SASH1: variants seen among roughly 807,000 people sequenced by gnomAD.
The protein encoded by SASH1 is SAM and SH3 domain containing 1, also known as SAM and SH3 domain-containing protein 1.
A neutral mutation model predicts 125.2 loss-of-function variants in SASH1; 44 were observed. That is an observed-to-expected ratio of 0.35 (90% CI 0.28 to 0.45). The LOEUF is 0.45. Among genes scored for constraint, SASH1 ranks in the 20% least tolerant of loss-of-function variants. The pLI, the probability that SASH1 is intolerant of heterozygous loss-of-function variation, is 1.00. For synonymous variants in SASH1, 639 were observed against 649.1 expected (o/e 0.98, Z 0.24); for missense variants, 1,426 against 1,614.5 (o/e 0.88, Z 2.00).
At chr6:148,271,372 T>TCA (rs1177159265), upstream of SASH1, among the ~76,000 whole-genome samples, 2 of 152,342 alleles carry the variant, frequency 1.3e-5, no homozygotes, top group Middle Eastern at 3.4e-3. Context: ...TATGTCACAC[T>TCA]CACAATATTA....
At chr6:148,411,424 A>G (rs1009578586) in intron 2 of SASH1, among the ~76,000 whole-genome samples, 1 of 152,204 alleles carries the variant, frequency 6.6e-6, no homozygotes, top group Non-Finnish European at 1.5e-5. Context: ...TCCAGTCAAC[A>G]TATATTGAAT....
chr6:148,235,663 C>A, the SASH1 span, among the ~76,000 whole-genome samples: 42 of 152,290 alleles, frequency 2.8e-4, no homozygotes, highest in African/African-American at 9.9e-4. Flanking sequence ...TTTCAGCCCA[C>A]TTACTCACAG....
the SASH1 span, chr6:148,237,667 C>T: frequency 6.6e-6 from 1 of 152,148 alleles, no homozygotes; most frequent in Non-Finnish European, 1.5e-5. Context: ...GTACATCTCC[C>T]TCATGGAGCT....
At chr6:148,282,406 G>T (rs1199168585) in intron 1 of SASH1, among the ~76,000 whole-genome samples, 1 of 151,732 alleles carries the variant, frequency 6.6e-6, no homozygotes, top group Non-Finnish European at 1.5e-5. Context: ...TTTTGAGATG[G>T]AGTCTCGCTC....
intron 2 of SASH1, among the ~76,000 whole-genome samples, chr6:148,439,507 G>A (rs562659741): frequency 5.9e-5 from 9 of 152,150 alleles, no homozygotes; most frequent in Non-Finnish European, 1.3e-4. Context: ...GGCTGGGCGC[G>A]GTGGCTCATG....
chr6:148,207,850 A>T, the SASH1 span, among the ~76,000 whole-genome samples: 2 of 152,242 alleles, frequency 1.3e-5, no homozygotes, highest in East Asian at 1.9e-4. Context: ...AAGCTCAGAA[A>T]CTGTGCTTGA....
At chr6:148,312,833 G>GAGGAGGAGA (rs771332277) in intron 1 of SASH1, among the ~76,000 whole-genome samples, 30 of 152,178 alleles carry the variant, frequency 2.0e-4, no homozygotes, top group African/African-American at 7.2e-4. Flanking sequence ...GGGATAAGAA[G>GAGGAGGAGA]AGGAGGAGAA....
At chr6:148,415,590 T>C (rs1187819166) in intron 2 of SASH1, among the ~76,000 whole-genome samples, 1 of 152,242 alleles carries the variant, frequency 6.6e-6, no homozygotes. Flanking sequence ...ATTAATGTTG[T>C]CTGGGAGCAC....
intron 1 of SASH1, among the ~76,000 whole-genome samples, chr6:148,301,581 C>CTT (rs892765144): frequency 6.9e-6 from 1 of 144,408 alleles, no homozygotes; most frequent in Admixed American, 7.0e-5. Context: ...TTTTTCTTTT[C>CTT]TTTTCTTTTC....
chr6:148,484,206 G>T (rs1458528081), intron 7 of SASH1, among the ~76,000 whole-genome samples: 1 of 152,040 alleles, frequency 6.6e-6, no homozygotes, highest in African/African-American at 2.4e-5. Context: ...CTCCCTAAAG[G>T]TCTCCAAGAT....
At chr6:148,260,847 G>C in the SASH1 span, among the ~76,000 whole-genome samples, 2 of 142,268 alleles carry the variant, frequency 1.4e-5, 1 homozygote, top group East Asian at 4.1e-4. Context: ...TGTGGCCCAG[G>C]CTGGAGTGCA....
At position 148,532,661 on chromosome 6, in the gene SASH1, C is replaced by A; in HGVS notation, c.1565-136C>A. On this transcript the variant is annotated intron_variant, in intron 13 of 19. Coordinates refer to ENST00000367467, the MANE Select transcript of SASH1 (RefSeq NM_015278.5). The surrounding 1 kb of genome is among the most constrained non-coding windows in gnomAD (Gnocchi z 4.7). ...ATTCATAACTGGGCCCTGCCCTGGT[C>A]CTGACAGAGGGTTGTGGCTCAAGGC... 9.9e-7 allele frequency: 1 copy of A among 1,005,096 alleles called. No individual in the cohort carries two copies. Among genetic ancestry groups the A allele is most frequent in the Non-Finnish European group, 1.5e-6 (1 of 672,418 alleles). The allele number at this position is 1,005,096 out of a possible 1,614,324, so 62.3% of individuals were successfully genotyped here.
intron 4 of SASH1, among the ~76,000 whole-genome samples, chr6:148,457,903 T>C (rs912664504): frequency 3.3e-5 from 5 of 152,288 alleles, no homozygotes; most frequent in Non-Finnish European, 5.9e-5. Context: ...TCAGCTCTCA[T>C]GAGAACTCAC....
chr6:148,231,626 A>G, the SASH1 span, among the ~76,000 whole-genome samples: 1 of 152,238 alleles, frequency 6.6e-6, no homozygotes, highest in Non-Finnish European at 1.5e-5. Flanking sequence ...TCACAGGCTT[A>G]AAATGTTGCT....
the SASH1 span, among the ~76,000 whole-genome samples, chr6:148,201,278 T>C: frequency 7.2e-5 from 11 of 152,350 alleles, no homozygotes; most frequent in African/African-American, 2.4e-4. Context: ...GTCTGCATAA[T>C]GCCCCTGTGT....
chr6:148,447,229 T>A (rs1776834996), intron 4 of SASH1, among the ~76,000 whole-genome samples: 1 of 152,208 alleles, frequency 6.6e-6, no homozygotes, highest in African/African-American at 2.4e-5. Context: ...TGGCTACACT[T>A]GAACTATTTT....
chr6:148,363,721 C>T (rs545514265), intron 1 of SASH1, among the ~76,000 whole-genome samples: 113 of 152,044 alleles, frequency 7.4e-4, no homozygotes, highest in African/African-American at 2.5e-3. Context: ...TTCTTAACCT[C>T]TGCTTCAGAC....
At chr6:148,272,942 C>G (rs1460876472) in intron 1 of SASH1, among the ~76,000 whole-genome samples, 1 of 151,940 alleles carries the variant, frequency 6.6e-6, no homozygotes, top group Non-Finnish European at 1.5e-5. Flanking sequence ...TTGTGAAGGT[C>G]TTTTCTTTTT....
intron 1 of SASH1, among the ~76,000 whole-genome samples, chr6:148,369,494 TTCTGAGTGTTCTACATGGATTATG>T (rs1782623931): frequency 6.6e-6 from 1 of 152,210 alleles, no homozygotes; most frequent in Admixed American, 6.5e-5. Flanking sequence ...TCAGACACTG[TTCTGAGTGTTCTACATGGATTATG>T]TCTTTATTTG....
Sources: allele counts gnomAD v4.1 joint callset (sites outside exome capture counted in the v4.1 genomes callset), GRCh38; gene constraint gnomAD v4.1.1; non-coding constraint Gnocchi (gnomAD v3.1); transcripts MANE v1.5; gene names NCBI Gene and HGNC (gene_info 2026-07-23, HGNC 2026-07-21).